The following CTNNA3 variants were observed in gnomAD, a reference collection of about 807,000 sequenced individuals.
CTNNA3 encodes catenin alpha-3.
A neutral mutation model predicts 95.7 loss-of-function variants in CTNNA3; 76 were observed. The observed-to-expected ratio is 0.79, with a 90% CI of 0.66 to 0.96. The LOEUF (loss-of-function observed/expected upper bound fraction) is 0.96. CTNNA3 is among the 40% of genes least tolerant of loss of function. The probability of loss-of-function intolerance (pLI) is 0.00; values close to 1 mark genes in which losing one functional copy is unlikely to be tolerated. For synonymous variants in CTNNA3, 431 were observed against 374.4 expected, an observed-to-expected ratio of 1.15 and a Z score of -1.74; for missense variants, 1,191 against 1,089.8, an observed-to-expected ratio of 1.09 and a Z score of -1.31.
chr10:66,192,781 T>C (rs995656616), intron 13 of CTNNA3, among the ~76,000 whole-genome samples: 5 of 152,196 alleles, frequency 3.3e-5, no homozygotes, highest in Non-Finnish European at 7.4e-5. Context: ...CAGCTTGGTA[T>C]AAATAAATTT....
chr10:66,740,624 G>A (rs1468569439), intron 9 of CTNNA3, among the ~76,000 whole-genome samples: 1 of 152,164 alleles, frequency 6.6e-6, no homozygotes, highest in Non-Finnish European at 1.5e-5. Context: ...TTCTCTGTGT[G>A]AAAATGCTGT....
chr10:66,539,355 T>C (rs1363832002), intron 10 of CTNNA3, among the ~76,000 whole-genome samples: 1 of 152,028 alleles, frequency 6.6e-6, no homozygotes, highest in Non-Finnish European at 1.5e-5. Context: ...GATTAATGAA[T>C]GTTTGAAGAG....
Position 66,288,778 on chromosome 10 carries a change from G to A in CTNNA3, c.1733-8157C>T, listed in dbSNP as rs539522278. 3.4e-4 allele frequency among the ~76,000 whole-genome samples: 52 copies of A among 152,006 alleles called. 1 individual carries two copies. In the South Asian group the frequency reaches 0.011, roughly 32 times the overall value. On this transcript the variant is annotated intron_variant, in intron 12 of 17. Coordinates refer to ENST00000433211, the MANE Select transcript of CTNNA3 (RefSeq NM_013266.4). ...GGTTTAATGTTGGATGAGTGATATC[G>A]GTATCATCTTTGATTCTGTGTATAT...
rs539638553 is a variant in CTNNA3, at chr10:66,189,600, T to TTATATATATATATA, written c.1885-86365_1885-86352dup. Among the ~76,000 whole-genome samples the TTATATATATATATA allele has an allele frequency of 2.5e-4, 22 of 89,316 alleles. 1 individual carries two copies. The highest frequency in any genetic ancestry group is 9.1e-4 in the East Asian group (3 of 3,290). The allele number at this position is 89,316 out of a possible 152,430, so 58.6% of individuals were successfully genotyped here. On this transcript the variant is annotated intron_variant, in intron 13 of 17. Coordinates refer to ENST00000433211, the MANE Select transcript of CTNNA3 (RefSeq NM_013266.4). Reference sequence around the variant, plus strand: ...CCATACTGTTTTAGTTACTATAGATTTATATATATATATATATACACACAT... The same window carrying TTATATATATATATA: ...CCATACTGTTTTAGTTACTATAGATTTATATATATATATATATATATATATATATATACACACAT...
chr10:67,260,590 A>C (rs1866558169), intron 5 of CTNNA3, among the ~76,000 whole-genome samples: 2 of 152,200 alleles, frequency 1.3e-5, no homozygotes, highest in Non-Finnish European at 2.9e-5. Flanking sequence ...TGTCCTACCA[A>C]TAATGCCGTC....
chr10:66,492,310 G>C (rs575819040), intron 11 of CTNNA3, among the ~76,000 whole-genome samples: 1 of 152,180 alleles, frequency 6.6e-6, no homozygotes, highest in East Asian at 1.9e-4. Context: ...TTGAGACAAT[G>C]TCTCACTCTG....
chr10:66,176,945 A>G (rs1401685426), intron 13 of CTNNA3, among the ~76,000 whole-genome samples: 1 of 151,676 alleles, frequency 6.6e-6, no homozygotes, highest in African/African-American at 2.4e-5. Flanking sequence ...GAAACTGCAA[A>G]TAGTTTCTTA....
chr10:67,081,703 A>G (rs1857066539), intron 7 of CTNNA3, among the ~76,000 whole-genome samples: 1 of 152,138 alleles, frequency 6.6e-6, no homozygotes, highest in Admixed American at 6.5e-5. Context: ...CTCCTGGACC[A>G]GCTATGCTGT....
chr10:67,093,157 C>CT (rs1168705819), intron 7 of CTNNA3, among the ~76,000 whole-genome samples: 3 of 113,886 alleles, frequency 2.6e-5, no homozygotes, highest in Non-Finnish European at 5.2e-5. Context: ...CAAGAAGATT[C>CT]TATGGACACT....
chr10:66,962,425 T>TC (rs1181003708), intron 7 of CTNNA3, among the ~76,000 whole-genome samples: 1 of 151,720 alleles, frequency 6.6e-6, no homozygotes, highest in Non-Finnish European at 1.5e-5. Context: ...TTTGTTTTTT[T>TC]TTTGAGACAG....
chr10:66,177,045 A>G (rs1177085549), intron 13 of CTNNA3, among the ~76,000 whole-genome samples: 1 of 152,122 alleles, frequency 6.6e-6, no homozygotes, highest in Admixed American at 6.6e-5. Context: ...ATAATTCTCT[A>G]AAGGCTTAAA....
At chr10:66,015,121 A>T (rs2079069855) in intron 15 of CTNNA3, among the ~76,000 whole-genome samples, 1 of 151,282 alleles carries the variant, frequency 6.6e-6, no homozygotes, top group Admixed American at 6.6e-5. Context: ...TAATAATAAT[A>T]ATAAAATAAA....
At chr10:66,168,730 T>G (rs1234710572) in intron 13 of CTNNA3, among the ~76,000 whole-genome samples, 1 of 152,164 alleles carries the variant, frequency 6.6e-6, no homozygotes, top group African/African-American at 2.4e-5. Flanking sequence ...TTTGTTATTC[T>G]CCAGTCTTTG....
intron 12 of CTNNA3, among the ~76,000 whole-genome samples, chr10:66,304,481 G>C (rs1480132562): frequency 6.6e-6 from 1 of 151,770 alleles, no homozygotes; most frequent in Non-Finnish European, 1.5e-5. Context: ...GAGAAAAAGA[G>C]GAAAGAGAAA....
Position 66,693,423 on chromosome 10 carries a change from T to TA in CTNNA3, c.1282-71640dup, listed in dbSNP as rs1039294979. On this transcript the variant is annotated intron_variant, in intron 9 of 17. Coordinates refer to ENST00000433211, the MANE Select transcript of CTNNA3 (RefSeq NM_013266.4). Reference sequence around the variant, plus strand: ...CAAGAAGAGCTAACTATCCTAAATATATATGCACCCAATACAGGAGCACCC... The same window carrying TA: ...CAAGAAGAGCTAACTATCCTAAATATAATATGCACCCAATACAGGAGCACCC... 3.3e-4 allele frequency among the ~76,000 whole-genome samples: 50 copies of TA among 149,646 alleles called. 1 individual carries two copies. Among genetic ancestry groups the TA allele is most frequent in the Admixed American group, 3.3e-3 (50 of 15,104 alleles).
chr10:66,149,612 A>G lies in CTNNA3; in HGVS notation c.1885-46363T>C, dbSNP rs2084083920. On this transcript the variant is annotated intron_variant, in intron 13 of 17. Coordinates refer to ENST00000433211, the MANE Select transcript of CTNNA3 (RefSeq NM_013266.4). ...CACCCTTACACTTTTAAAATAAAGT[A>G]TTCTTGATCACAAATGATATTCTTA... Among the ~76,000 whole-genome samples, 3 of 150,620 alleles carry G rather than the reference A, an allele frequency of 2.0e-5. No individual in the cohort carries two copies. In the South Asian group the frequency reaches 6.3e-4, roughly 32 times the overall value.
At chr10:66,965,565 G>GT (rs33920200) in intron 7 of CTNNA3, among the ~76,000 whole-genome samples, 119 of 134,696 alleles carry the variant, frequency 8.8e-4, no homozygotes, top group African/African-American at 2.9e-3. Context: ...AAAAAAAGCT[G>GT]TTTTTTTTTT....
chr10:67,025,902 T>TA (rs34764428), intron 7 of CTNNA3, among the ~76,000 whole-genome samples: 34,481 of 145,438 alleles, frequency 0.24, 4,517 homozygotes, highest in Middle Eastern at 0.41. Context: ...ATGTGGCACA[T>TA]ATACACCATG....
chr10:66,389,575 T>C (rs55782498), intron 11 of CTNNA3, among the ~76,000 whole-genome samples: 11,608 of 152,160 alleles, frequency 0.076, 564 homozygotes, highest in East Asian at 0.22. Context: ...GGAATTGATG[T>C]TTTACTAAAA....
Sources: allele counts gnomAD v4.1 joint callset (sites outside exome capture counted in the v4.1 genomes callset), GRCh38; gene constraint gnomAD v4.1.1; transcripts MANE v1.5; gene names NCBI Gene and HGNC (gene_info 2026-07-23, HGNC 2026-07-21).